The following GPAM variants were observed in gnomAD, a reference collection of about 807,000 sequenced individuals.
GPAM encodes glycerol-3-phosphate acyltransferase, mitochondrial.
In GPAM, 56 loss-of-function variants were observed where a neutral mutation model predicts 105.0. The ratio of observed to expected loss-of-function variants is 0.53; its 90% confidence interval spans 0.43 to 0.67. GPAM has a LOEUF of 0.67. Ranked by LOEUF, GPAM falls within the 30% of genes least tolerant of loss-of-function variation. The probability of loss-of-function intolerance (pLI) is 0.00; values close to 1 mark genes in which losing one functional copy is unlikely to be tolerated. For synonymous variants in GPAM, 368 were observed against 354.4 expected (o/e 1.04, Z -0.43); for missense variants, 855 against 989.8 (o/e 0.86, Z 1.83).
intron 15 of GPAM, among the ~76,000 whole-genome samples, chr10:112,161,110 G>A (rs1234659478): frequency 1.3e-5 from 2 of 152,160 alleles, no homozygotes; most frequent in African/African-American, 4.8e-5. Context: ...CACATGATAT[G>A]CACACATAAG....
At chr10:112,179,937 G>A (rs950297030) in intron 4 of GPAM, among the ~76,000 whole-genome samples, 2 of 151,846 alleles carry the variant, frequency 1.3e-5, no homozygotes, top group African/African-American at 4.8e-5. Flanking sequence ...AAAAGATATT[G>A]CATGGCTTGT....
chr10:112,213,394 A>C lies in GPAM; in HGVS notation n.210+1774T>G, dbSNP rs114702693. Among the ~76,000 whole-genome samples the C allele has an allele frequency of 8.4e-3, 1,280 of 152,264 alleles. 15 individuals carry two copies. Among genetic ancestry groups the C allele is most frequent in the African/African-American group, 0.029 (1,218 of 41,552 alleles). On this transcript the variant is annotated intron_variant and non_coding_transcript_variant, in intron 1 of 3. Transcript: ENST00000480130. ...TTGTGGGGACTGAGTTAATAAGATA[A>C]AGCCCTTAGAAGAGTGTTGGGTATA... is the stretch of plus-strand genomic sequence containing the variant.
the GPAM span, among the ~76,000 whole-genome samples, chr10:112,223,410 T>C: frequency 3.4e-3 from 525 of 152,314 alleles, 3 homozygotes; most frequent in African/African-American, 0.012. Flanking sequence ...CAGCTAAATA[T>C]GTGGTGTGTA....
chr10:112,157,460 G>A (rs1847038772), intron 18 of GPAM, 71 bp from the exon 19 acceptor site: 1 of 1,401,968 alleles, frequency 7.1e-7, no homozygotes, highest in Admixed American at 1.7e-5. Flanking sequence ...GTGGAGCCAG[G>A]ACAAGGCAGT....
chr10:112,193,091 G>A (rs1362177153), intron 1 of GPAM, among the ~76,000 whole-genome samples: 1 of 152,174 alleles, frequency 6.6e-6, no homozygotes, highest in East Asian at 1.9e-4. Flanking sequence ...ACCCCTTCCA[G>A]ACAGCTTGCT....
In GPAM at chr10:112,152,605, A is replaced by T. The variant is rs575682228; in HGVS notation, c.*945T>A. 4.0e-4 allele frequency: 399 copies of T among 985,254 alleles called. No homozygotes were observed. Among genetic ancestry groups the T allele is most frequent in the Non-Finnish European group, 4.5e-4 (377 of 829,868 alleles). 61.0% of individuals were successfully genotyped at this position (985,254 alleles called of 1,614,324 possible). On this transcript the variant is annotated 3_prime_UTR_variant, in exon 22 of 22. Coordinates refer to ENST00000348367, the MANE Select transcript of GPAM (RefSeq NM_001244949.2). ...TCATCAGCTGTGGCCAGAGAACTGT[A>T]TTCTAACAGTCTGTCAGCTCAAGCT...
At chr10:112,177,935 G>C (rs1847436294) in intron 5 of GPAM, 49 bp downstream of exon 5, 1 of 967,134 alleles carries the variant, frequency 1.0e-6, no homozygotes, top group Non-Finnish European at 1.7e-6. Flanking sequence ...TGATTATTAT[G>C]AAGTTTTTCT....
intron 15 of GPAM, 54 bp downstream of exon 15, chr10:112,161,613 T>C (rs900257556): frequency 2.1e-6 from 3 of 1,422,282 alleles, no homozygotes; most frequent in Non-Finnish European, 3.0e-6. Flanking sequence ...TCTGAGCAGC[T>C]GACAAAACAT....
intron 12 of GPAM, 148 bp downstream of exon 12, chr10:112,166,254 G>A (rs10749108): frequency 0.57 from 376,137 of 658,036 alleles, 108,716 homozygotes; most frequent in East Asian, 0.62. Flanking sequence ...AAAAATTTAG[G>A]CAACACCACC....
rs186061005 is a variant in GPAM at position 112,213,858 on chromosome 10, T to C, written n.210+1310A>G. On this transcript the variant is annotated intron_variant and non_coding_transcript_variant, in intron 1 of 3. Coordinates refer to the GPAM transcript ENST00000480130. Reference sequence around the variant, plus strand: ...CAAGAGGCACACAGGATCCAGACTATGCTGGCAATGGCAAAGGGAGAAAAT... The same window carrying C: ...CAAGAGGCACACAGGATCCAGACTACGCTGGCAATGGCAAAGGGAGAAAAT... Among the ~76,000 whole-genome samples, 234 of 152,264 alleles carry C rather than the reference T, an allele frequency of 1.5e-3. 2 individuals carry two copies. The highest frequency in any genetic ancestry group is 4.6e-3 in the African/African-American group (193 of 41,542).
intron 4 of GPAM, 148 bp downstream of exon 4, chr10:112,180,325 T>C (rs950306916): frequency 9.7e-6 from 7 of 723,098 alleles, no homozygotes; most frequent in African/African-American, 8.8e-5. Flanking sequence ...AAAGAAAAAG[T>C]GTGTCAACAT....
chr10:112,216,669 G>A (rs1847972656), upstream of GPAM, among the ~76,000 whole-genome samples: 1 of 151,426 alleles, frequency 6.6e-6, no homozygotes, highest in Non-Finnish European at 1.5e-5. Flanking sequence ...TGTCCCCCAG[G>A]CTGGAGTGCA....
intron 6 of GPAM, among the ~76,000 whole-genome samples, chr10:112,175,148 A>G (rs1010672683): frequency 6.6e-6 from 1 of 152,212 alleles, no homozygotes; most frequent in African/African-American, 2.4e-5. Flanking sequence ...GAGCAAAGGC[A>G]GTAATTCATT....
Position 112,154,682 on chromosome 10 carries a change from T to C in GPAM, c.2317A>G (p.Ser773Gly), listed in dbSNP as rs1348638753. The C allele has an allele frequency of 6.2e-7, 1 of 1,605,766 alleles. No individual in the cohort carries two copies. The highest frequency in any genetic ancestry group is 1.3e-5 in the African/African-American group (1 of 74,890). The change falls in exon 21 of 22, where the codon AGT (serine) becomes GGT (glycine). Residue 773 changes from serine to glycine, a missense_variant. Coordinates refer to ENST00000348367, the MANE Select transcript of GPAM (RefSeq NM_001244949.2). ...TERNVAVYAE[S>G]ATYCLVKNAV... ...TTCTTCACAAGACAATATGTGGCACTCTCAGCTGAAGAGAGAGAATAAAAC... is the reference window on the plus strand; with the variant it reads ...TTCTTCACAAGACAATATGTGGCACCCTCAGCTGAAGAGAGAGAATAAAAC...
At chr10:112,221,451 T>C in the GPAM span, among the ~76,000 whole-genome samples, 2 of 152,176 alleles carry the variant, frequency 1.3e-5, no homozygotes, top group Non-Finnish European at 2.9e-5. Flanking sequence ...TACAGATTCC[T>C]AGGCACCACC....
chr10:112,221,060 G>C, the GPAM span, among the ~76,000 whole-genome samples: 1 of 152,222 alleles, frequency 6.6e-6, no homozygotes, highest in African/African-American at 2.4e-5. Context: ...TATTGCCATG[G>C]GAAAATGTAG....
At chr10:112,222,384 T>A in the GPAM span, among the ~76,000 whole-genome samples, 2 of 152,196 alleles carry the variant, frequency 1.3e-5, no homozygotes, top group Admixed American at 1.3e-4. Context: ...TATCGATTTG[T>A]TTTTTAAAAT....
intron 1 of GPAM, among the ~76,000 whole-genome samples, chr10:112,210,518 G>T (rs1847899529): frequency 6.6e-6 from 1 of 152,192 alleles, no homozygotes; most frequent in African/African-American, 2.4e-5. Context: ...GGGGATATTG[G>T]ATAACAGACA....
At chr10:112,217,589 T>C (rs1265673648), upstream of GPAM, among the ~76,000 whole-genome samples, 1 of 152,172 alleles carries the variant, frequency 6.6e-6, no homozygotes, top group Non-Finnish European at 1.5e-5. Context: ...AAAGGGCTTC[T>C]CTCCCGCCAG....
Sources: gnomAD v4.1 joint callset for allele counts (sites outside exome capture counted in the v4.1 genomes callset) on GRCh38, gnomAD v4.1.1 for gene constraint, MANE v1.5 for transcripts, NCBI Gene and HGNC (gene_info 2026-07-23, HGNC 2026-07-21) for gene names.